The following DMD variants were observed in gnomAD, a reference collection of about 807,000 sequenced individuals.
The protein encoded by DMD is dystrophin, also known as mutant dystrophin.
DMD carries 63 observed loss-of-function variants against 330.1 expected under a neutral mutation model. The observed-to-expected ratio is 0.19, with a 90% confidence interval of 0.16 to 0.24. The LOEUF (loss-of-function observed/expected upper bound fraction) is 0.24, where lower values mean the gene tolerates loss of function less well. Ranked by LOEUF, DMD falls within the 10% of genes least tolerant of loss-of-function variation. The pLI is 1.00. For synonymous variants in DMD, 1,223 were observed against 959.8 expected, an observed-to-expected ratio of 1.27 and a Z score of -5.07; for missense variants, 3,344 against 2,684.1, an observed-to-expected ratio of 1.25 and a Z score of -5.43.
intron 44 of DMD, among the ~76,000 whole-genome samples, chrX:32,081,714 C>T (rs1006376715): frequency 8.1e-5 from 9 of 110,706 alleles, no homozygotes; most frequent in South Asian, 3.9e-4. Context: ...ATTAGCCAGG[C>T]GTGGTAGTAC....
intron 1 of DMD, among the ~76,000 whole-genome samples, chrX:33,298,473 A>G (rs987996841): frequency 5.4e-5 from 6 of 112,148 alleles, no homozygotes; most frequent in Non-Finnish European, 1.1e-4. Flanking sequence ...ATATTTTACC[A>G]TCACAACAAA....
intron 26 of DMD, among the ~76,000 whole-genome samples, chrX:32,450,448 T>A (rs1223666619): frequency 9.0e-6 from 1 of 111,104 alleles, no homozygotes; most frequent in Non-Finnish European, 1.9e-5. Context: ...AGCATAGAGA[T>A]TGTTTTTACA....
intron 7 of DMD, among the ~76,000 whole-genome samples, chrX:32,720,465 C>T (rs369310264): frequency 3.6e-5 from 4 of 111,974 alleles, no homozygotes; most frequent in South Asian, 3.6e-4. Flanking sequence ...AAATGTTATT[C>T]GATTCACATT....
At chrX:32,664,293 G>C (rs1376760445) in intron 9 of DMD, among the ~76,000 whole-genome samples, 4 of 101,520 alleles carry the variant, frequency 3.9e-5, no homozygotes, top group Non-Finnish European at 8.0e-5. Context: ...CCAGGCTGGA[G>C]TGCAGTAGCG....
intron 49 of DMD, among the ~76,000 whole-genome samples, chrX:31,831,869 T>C (rs923117566): frequency 8.9e-6 from 1 of 112,675 alleles, no homozygotes; most frequent in African/African-American, 3.2e-5. Flanking sequence ...CCCAAAGTGC[T>C]GGTATTACAG....
chrX:32,450,457 C>T (rs957043917), intron 26 of DMD, among the ~76,000 whole-genome samples: 6 of 110,987 alleles, frequency 5.4e-5, no homozygotes, highest in African/African-American at 1.6e-4. Context: ...ATTGTTTTTA[C>T]ACAAATTGCA....
At chrX:32,301,213 G>A (rs1370116368) in intron 42 of DMD, among the ~76,000 whole-genome samples, 1 of 75,065 alleles carries the variant, frequency 1.3e-5, no homozygotes, top group Non-Finnish European at 2.5e-5. Context: ...GTACCCAAAT[G>A]CATACATCTA....
intron 17 of DMD, among the ~76,000 whole-genome samples, chrX:32,527,189 TAATTTATG>T (rs1156609476): frequency 8.9e-6 from 1 of 112,106 alleles, no homozygotes; most frequent in East Asian, 2.8e-4. Context: ...CTAGACCAGA[TAATTTATG>T]AAACCAATTC....
chrX:32,893,085 T>C (rs1044836991), intron 2 of DMD, among the ~76,000 whole-genome samples: 10 of 112,258 alleles, frequency 8.9e-5, no homozygotes, highest in Non-Finnish European at 1.7e-4. Flanking sequence ...CATGACGTGA[T>C]AGATCAGCTG....
chrX:32,406,784 T>C (rs2224126), intron 30 of DMD, among the ~76,000 whole-genome samples: 21,463 of 110,192 alleles, frequency 0.19, 2,166 homozygotes, highest in African/African-American at 0.39. Context: ...GAGATATAGA[T>C]CAATGGAACA....
intron 48 of DMD, among the ~76,000 whole-genome samples, chrX:31,846,522 G>A (rs1033446532): frequency 1.8e-5 from 2 of 110,760 alleles, no homozygotes; most frequent in Non-Finnish European, 3.8e-5. Flanking sequence ...AAAATTATGA[G>A]AGTATTAATT....
chrX:31,123,015 T>C (rs1310423762), intron 78 of DMD, among the ~76,000 whole-genome samples: 1 of 110,014 alleles, frequency 9.1e-6, no homozygotes, highest in Non-Finnish European at 1.9e-5. Context: ...TATTACTACC[T>C]TGCCATGTAT....
intron 57 of DMD, among the ~76,000 whole-genome samples, chrX:31,491,430 C>G (rs1044508639): frequency 2.7e-5 from 3 of 112,074 alleles, no homozygotes; most frequent in African/African-American, 9.7e-5. Flanking sequence ...CAGAATAACA[C>G]CCACTAATTG....
At chrX:32,593,820 A>G (rs1170587565) in intron 13 of DMD, among the ~76,000 whole-genome samples, 1 of 112,595 alleles carries the variant, frequency 8.9e-6, no homozygotes, top group Non-Finnish European at 1.9e-5. Context: ...TCTCAATCAA[A>G]TAAGTTAACT....
Position 32,554,821 on chromosome X carries a change from GGAGGGGGAGGGAGAGAGAGAGAGA to G in DMD, c.1993-9511_1993-9488del, listed in dbSNP as rs1370081465. 6.2e-3 allele frequency among the ~76,000 whole-genome samples: 49 copies of G among 7,859 alleles called. 5 individuals are homozygous for G. Among genetic ancestry groups the G allele is most frequent in the Admixed American group, 0.035 (12 of 346 alleles). 6.8% of individuals were successfully genotyped at this position (7,859 alleles called of 115,157 possible). On this transcript the variant is annotated intron_variant, in intron 16 of 78. Coordinates refer to ENST00000357033, the MANE Select transcript of DMD (RefSeq NM_004006.3). ...ACCTGGGAGGGAGGGAGGGAGGGAG[GGAGGGGGAGGGAGAGAGAGAGAGA>G]GAGAGAGAGAGAGAGAGAGAGAGAG...
intron 50 of DMD, among the ~76,000 whole-genome samples, chrX:31,794,826 T>C (rs963109074): frequency 4.5e-5 from 5 of 111,139 alleles, no homozygotes; most frequent in African/African-American, 1.3e-4. Context: ...GAGGCCAAGA[T>C]ATGATTGCGT....
chrX:33,279,332 C>G (rs2053285929), intron 1 of DMD, among the ~76,000 whole-genome samples: 1 of 111,241 alleles, frequency 9.0e-6, no homozygotes, highest in Admixed American at 9.6e-5. Flanking sequence ...GGGTGAACAA[C>G]AAAATTAAGC....
chrX:32,339,145 C>T (rs111554776), intron 41 of DMD, among the ~76,000 whole-genome samples: 50 of 111,550 alleles, frequency 4.5e-4, no homozygotes, highest in African/African-American at 1.5e-3. Flanking sequence ...CAGAAACATC[C>T]TTATCTCTAT....
At chrX:32,471,659 A>T (rs1030290890) in intron 22 of DMD, among the ~76,000 whole-genome samples, 15 of 112,115 alleles carry the variant, frequency 1.3e-4, no homozygotes, top group African/African-American at 4.9e-4. Flanking sequence ...GATGAGTTAA[A>T]GTATATGGGA....
Sources: gnomAD v4.1 joint callset for allele counts (sites outside exome capture counted in the v4.1 genomes callset) on GRCh38, gnomAD v4.1.1 for gene constraint, MANE v1.5 for transcripts, NCBI Gene and HGNC (gene_info 2026-07-23, HGNC 2026-07-21) for gene names.